LARGE1: variants seen among roughly 807,000 people sequenced by gnomAD.
LARGE1 encodes LARGE xylosyl- and glucuronyltransferase 1, also known as xylosyl- and glucuronyltransferase LARGE1.
In LARGE1, 43 loss-of-function variants were observed where a neutral mutation model predicts 87.6. The observed-to-expected ratio is 0.49, with a 90% CI of 0.38 to 0.63. The LOEUF is 0.63. LARGE1 is among the 30% of genes least tolerant of loss of function. LARGE1 has a pLI of 0.00. For synonymous variants in LARGE1, 434 were observed against 394.6 expected (o/e 1.10, Z -1.18); for missense variants, 802 against 1,000.2 (o/e 0.80, Z 2.67).
the LARGE1 span, among the ~76,000 whole-genome samples, chr22:33,141,323 A>G: frequency 7.2e-5 from 11 of 152,178 alleles, no homozygotes; most frequent in African/African-American, 7.2e-5. Context: ...ACAAACTTCA[A>G]TGTTCCTTGT....
rs141942357 is a variant in LARGE1, at chr22:33,793,954, G to C, written c.-82-32396C>G. On this transcript the variant is annotated intron_variant, in intron 1 of 14. Transcript: ENST00000397394. ...ATAATTTTTTTTTCCAAAAGAATAT[G>C]TTTTCATTTGTAAGTTTTCTATAGA... Among the ~76,000 whole-genome samples the C allele has an allele frequency of 6.2e-4, 95 of 152,140 alleles. 1 individual carries two copies. The highest frequency in any genetic ancestry group is 6.8e-3 in the Middle Eastern group (2 of 294).
chr22:33,882,816 T>C (rs1601844880), intron 1 of LARGE1, among the ~76,000 whole-genome samples: 1 of 152,148 alleles, frequency 6.6e-6, no homozygotes, highest in South Asian at 2.1e-4. Flanking sequence ...TTTGCTATGA[T>C]TAACTTGAAC....
chr22:33,404,958 G>C (rs1279828891), intron 7 of LARGE1, among the ~76,000 whole-genome samples: 1 of 152,214 alleles, frequency 6.6e-6, no homozygotes, highest in African/African-American at 2.4e-5. Flanking sequence ...GGCCACAAAA[G>C]AGGCTCCCAG....
intron 2 of LARGE1, among the ~76,000 whole-genome samples, chr22:33,662,991 G>A (rs911616732): frequency 1.3e-5 from 2 of 152,022 alleles, no homozygotes; most frequent in African/African-American, 4.8e-5. Flanking sequence ...TTACATTAAA[G>A]TTATATTCCA....
At chr22:33,262,855 TTTC>T (rs1428139047) in intron 11 of LARGE1, among the ~76,000 whole-genome samples, 1 of 150,766 alleles carries the variant, frequency 6.6e-6, no homozygotes, top group Admixed American at 6.6e-5. Context: ...CTCCTTTCTT[TTTC>T]TTTCTTCCCT....
intron 7 of LARGE1, among the ~76,000 whole-genome samples, chr22:33,411,001 T>C (rs1479379288): frequency 6.6e-6 from 1 of 152,242 alleles, no homozygotes; most frequent in Non-Finnish European, 1.5e-5. Flanking sequence ...ATGGCCAGAT[T>C]ATTTTCCTTA....
At chr22:33,584,994 G>T (rs1300603059) in intron 5 of LARGE1, among the ~76,000 whole-genome samples, 1 of 152,070 alleles carries the variant, frequency 6.6e-6, no homozygotes, top group African/African-American at 2.4e-5. Context: ...ATGCGCGCCT[G>T]TAATCCCAGC....
intron 1 of LARGE1, among the ~76,000 whole-genome samples, chr22:33,794,658 T>A (rs1462124021): frequency 6.6e-6 from 1 of 152,084 alleles, no homozygotes; most frequent in African/African-American, 2.4e-5. Flanking sequence ...TCTCGCTCTG[T>A]CGCCCAGGCT....
chr22:33,365,456 A>G (rs946755217), intron 9 of LARGE1, among the ~76,000 whole-genome samples: 5 of 152,190 alleles, frequency 3.3e-5, no homozygotes, highest in East Asian at 1.9e-4. Context: ...GCGAGGCTAT[A>G]TATCTTTTCA....
chr22:33,701,887 G>T (rs538224506), intron 2 of LARGE1, among the ~76,000 whole-genome samples: 4 of 152,342 alleles, frequency 2.6e-5, no homozygotes, highest in Non-Finnish European at 5.9e-5. Context: ...AGGGCACAAT[G>T]AAGTAATCAG....
the LARGE1 span, among the ~76,000 whole-genome samples, chr22:33,151,813 T>G: frequency 2.0e-5 from 3 of 152,196 alleles, no homozygotes; most frequent in African/African-American, 4.8e-5. Context: ...TGTTTATATA[T>G]TGTTGAATTT....
At chr22:33,748,533 C>T (rs1353596008) in intron 2 of LARGE1, among the ~76,000 whole-genome samples, 3 of 152,264 alleles carry the variant, frequency 2.0e-5, no homozygotes, top group South Asian at 2.1e-4. Flanking sequence ...ACCATGGACT[C>T]GTTTTCATCT....
chr22:33,844,405 T>C (rs1216359748), intron 1 of LARGE1, among the ~76,000 whole-genome samples: 2 of 152,154 alleles, frequency 1.3e-5, no homozygotes, highest in East Asian at 1.9e-4. Context: ...GCTGGGAGCA[T>C]GCAGTAAGTG....
rs571859192 is a variant in LARGE1, at chr22:33,715,865, C to T, written c.106+45506G>A. On this transcript the variant is annotated intron_variant, in intron 2 of 14. Coordinates refer to ENST00000397394, the MANE Select transcript of LARGE1 (RefSeq NM_133642.5). ...GGGCCTCCATGGAAACGCGGCAGAT[C>T]CCAGCTGACAACGGCTTTCCTTTCA... 6.6e-5 allele frequency among the ~76,000 whole-genome samples: 10 copies of T among 152,292 alleles called. No homozygotes were observed. The South Asian group carries it at 2.1e-3, about 32-fold the overall frequency.
At chr22:33,772,427 C>T (rs550861393) in intron 1 of LARGE1, among the ~76,000 whole-genome samples, 17 of 152,238 alleles carry the variant, frequency 1.1e-4, no homozygotes, top group Admixed American at 3.9e-4. Flanking sequence ...TCGATCTCTC[C>T]GACCTTGTCT....
At chr22:33,461,040 C>A (rs1196433126) in intron 6 of LARGE1, among the ~76,000 whole-genome samples, 1 of 152,088 alleles carries the variant, frequency 6.6e-6, no homozygotes, top group Non-Finnish European at 1.5e-5. Flanking sequence ...TCCAAGAACA[C>A]GAACTTACCA....
At position 33,561,091 on chromosome 22, in the gene LARGE1, G is replaced by A. The variant is rs2077844231; in HGVS notation, c.787+3757C>T. The stretch of plus-strand genomic sequence containing the variant: ...GGCCTCCCAAAGTGCTGGGATTACA[G>A]GCGTGAGCCATCAGTTTATTTAACT... On this transcript the variant is annotated intron_variant, in intron 6 of 14. Coordinates refer to ENST00000397394, the MANE Select transcript of LARGE1 (RefSeq NM_133642.5). 5.9e-5 allele frequency among the ~76,000 whole-genome samples: 9 copies of A among 152,214 alleles called. No individual in the cohort carries two copies. The South Asian group carries it at 1.9e-3, about 32-fold the overall frequency.
intron 1 of LARGE1, among the ~76,000 whole-genome samples, chr22:33,909,729 G>A (rs898737963): frequency 2.6e-5 from 4 of 151,690 alleles, no homozygotes; most frequent in African/African-American, 4.8e-5. Context: ...TAGTAGAGAC[G>A]GGGTTTCACC....
intron 6 of LARGE1, among the ~76,000 whole-genome samples, chr22:33,555,756 C>T (rs557218522): frequency 1.8e-3 from 272 of 151,738 alleles, no homozygotes; most frequent in African/African-American, 5.9e-3. Flanking sequence ...TGGTGAAACC[C>T]CATCTCTACT....
Sources: allele counts gnomAD v4.1 joint callset (sites outside exome capture counted in the v4.1 genomes callset), GRCh38; gene constraint gnomAD v4.1.1; transcripts MANE v1.5; gene names NCBI Gene and HGNC (gene_info 2026-07-23, HGNC 2026-07-21).